The following GREB1 variants were observed in gnomAD, a reference collection of about 807,000 sequenced individuals.
The protein encoded by GREB1 is protein GREB1.
A neutral mutation model predicts 200.7 loss-of-function variants in GREB1; 106 were observed. The observed-to-expected ratio is 0.53, with a 90% CI of 0.45 to 0.62. The LOEUF (loss-of-function observed/expected upper bound fraction) is 0.62. Ranked by LOEUF, GREB1 falls within the 20% of genes least tolerant of loss-of-function variation. The pLI is 0.00. For missense variants in GREB1, 2,243 were observed against 2,556.8 expected (o/e 0.88, Z 2.65); for synonymous variants, 1,132 against 1,092.4 (o/e 1.04, Z -0.72).
Position 11,547,970 on chromosome 2 carries a change from C to T in GREB1, c.-161-8484C>T, listed in dbSNP as rs184215591. On this transcript the variant is annotated intron_variant, in intron 1 of 32. Coordinates refer to ENST00000381486, the MANE Select transcript of GREB1 (RefSeq NM_014668.4). Reference sequence around the variant, plus strand: ...GCCGAGGCGGTAGAATTTCTTGAGCCGAGGAGTTTGAGACCAGCCTGGGCA... The same window carrying T: ...GCCGAGGCGGTAGAATTTCTTGAGCTGAGGAGTTTGAGACCAGCCTGGGCA... 2.4e-4 allele frequency among the ~76,000 whole-genome samples: 37 copies of T among 152,114 alleles called. No individual in the cohort carries two copies. In the East Asian group the frequency reaches 2.9e-3, roughly 12 times the overall value.
chr2:11,615,359 G>T lies in GREB1; in HGVS notation c.3322+69G>T, dbSNP rs56805168. 4.7e-3 allele frequency: 6,281 copies of T among 1,342,408 alleles called. 229 individuals carry two copies. The African/African-American group carries it at 0.077, about 16-fold the overall frequency. 83.2% of individuals were successfully genotyped at this position (1,342,408 alleles called of 1,614,324 possible). On this transcript the variant is annotated intron_variant, in intron 20 of 32. Transcript: ENST00000381486. ...TCTTTCTTGGCTTCTGAGCTTTGAG[G>T]CTGCCTGTGCTTATGGAGACAGCTG...
At chr2:11,612,679 G>C (rs1292666558) in intron 19 of GREB1, 69 bp downstream of exon 19, 1 of 968,902 alleles carries the variant, frequency 1.0e-6, no homozygotes, top group Non-Finnish European at 1.7e-6. Context: ...CAAGGAGCAT[G>C]TCAGGGGGGC....
chr2:11,502,956 T>A (rs1435486654), intron 1 of GREB1, among the ~76,000 whole-genome samples: 7 of 152,144 alleles, frequency 4.6e-5, no homozygotes, highest in Non-Finnish European at 1.0e-4. Context: ...ACGAAGTCCA[T>A]CCGACCTCCA....
chr2:11,620,380 C>T (rs1683902230), intron 22 of GREB1, among the ~76,000 whole-genome samples: 1 of 152,118 alleles, frequency 6.6e-6, no homozygotes, highest in South Asian at 2.1e-4. Flanking sequence ...AGGAGGTATG[C>T]TAGCCTGAAG....
rs941474748 is a variant in GREB1, at chr2:11,601,062, A to C, written c.2529+67A>C. On this transcript the variant is annotated intron_variant, in intron 16 of 32. Coordinates refer to ENST00000381486, the MANE Select transcript of GREB1 (RefSeq NM_014668.4). ...ACTTGGGTTTGCAGAAATTACATTTAGTAACAGCCTTGACCAGTGTGGTTG... is the reference window on the plus strand; with the variant it reads ...ACTTGGGTTTGCAGAAATTACATTTCGTAACAGCCTTGACCAGTGTGGTTG... 9.5e-6 allele frequency: 13 copies of C among 1,361,542 alleles called. No individual in the cohort carries two copies. The East Asian group carries it at 3.0e-4, about 32-fold the overall frequency. 84.3% of individuals were successfully genotyped at this position (1,361,542 alleles called of 1,614,324 possible).
At position 11,580,896 on chromosome 2, in the gene GREB1, G is replaced by T. The variant is rs772106391; in HGVS notation, c.901+64G>T. 1.2e-6 allele frequency: 2 copies of T among 1,601,416 alleles called. No homozygotes were observed. Among genetic ancestry groups the T allele is most frequent in the Non-Finnish European group, 8.6e-7 (1 of 1,169,564 alleles). On this transcript the variant is annotated intron_variant, in intron 7 of 32. Coordinates refer to ENST00000381486, the MANE Select transcript of GREB1 (RefSeq NM_014668.4). The surrounding 1 kb of genome is among the most constrained non-coding windows in gnomAD (Gnocchi z 4.5). The stretch of plus-strand genomic sequence containing the variant: ...CTTCTTTGGGCCAAGGCCAGAGGGG[G>T]CATGGGAGCTGCTGGGCTGGGGCCG...
chr2:11,497,567 T>C (rs1672920668), intron 1 of GREB1, among the ~76,000 whole-genome samples: 1 of 151,662 alleles, frequency 6.6e-6, no homozygotes, highest in South Asian at 2.1e-4. Flanking sequence ...CCAAAGTGAC[T>C]GTACCATTTC....
chr2:11,588,677 G>T, intron 9 of GREB1, 69 bp from the exon 10 acceptor site: 1 of 1,406,450 alleles, frequency 7.1e-7, no homozygotes, highest in Non-Finnish European at 1.0e-6. Flanking sequence ...CACCCCCAGA[G>T]AACCCACATG....
intron 1 of GREB1, among the ~76,000 whole-genome samples, chr2:11,535,915 CTT>C (rs35311316): frequency 6.7e-6 from 1 of 150,060 alleles, no homozygotes; most frequent in Non-Finnish European, 1.5e-5. Flanking sequence ...GCCCTGAACT[CTT>C]TTTTTTTTCC....
At chr2:11,535,058 C>G (rs188875490) in intron 1 of GREB1, among the ~76,000 whole-genome samples, 19 of 152,194 alleles carry the variant, frequency 1.2e-4, no homozygotes, top group Admixed American at 1.0e-3. Context: ...GTATTTTTTG[C>G]CTGGGGTGAA....
rs1407901764 is a variant in GREB1, at chr2:11,629,914, G to A, written c.4450-34G>A. 1 of 1,607,000 alleles carries A rather than the reference G, an allele frequency of 6.2e-7. No individual in the cohort carries two copies. Among genetic ancestry groups the A allele is most frequent in the Non-Finnish European group, 8.5e-7 (1 of 1,175,040 alleles). ...TCTTCTGGGAAGCAGGCCGGACTCT[G>A]ACGGCAAGCTCTGTCCTTTCCCCCA... On this transcript the variant is annotated intron_variant, in intron 25 of 32. Coordinates refer to ENST00000381486, the MANE Select transcript of GREB1 (RefSeq NM_014668.4). This position sits in a 1 kb window ranked among gnomAD's most constrained non-coding sequence, Gnocchi z 5.2.
intron 10 of GREB1, 152 bp from the exon 11 acceptor site, chr2:11,592,624 T>A: frequency 1.9e-6 from 1 of 527,828 alleles, no homozygotes; most frequent in Non-Finnish European, 3.3e-6. Context: ...GGTGAGATTG[T>A]GGCGGATTTT....
intron 1 of GREB1, among the ~76,000 whole-genome samples, chr2:11,499,588 T>C (rs1161146400): frequency 6.6e-6 from 1 of 152,256 alleles, no homozygotes; most frequent in Non-Finnish European, 1.5e-5. Context: ...GGAAAATTTG[T>C]TGATTTATTT....
At chr2:11,513,523 A>G (rs779363071) in intron 1 of GREB1, among the ~76,000 whole-genome samples, 50 of 152,206 alleles carry the variant, frequency 3.3e-4, no homozygotes, top group Non-Finnish European at 7.3e-4. Context: ...TACTTCTTTC[A>G]GGAAGCCTTC....
intron 1 of GREB1, among the ~76,000 whole-genome samples, chr2:11,507,270 G>A (rs776427204): frequency 1.3e-5 from 2 of 152,088 alleles, no homozygotes; most frequent in Admixed American, 6.6e-5. Flanking sequence ...TGAGCCAGGC[G>A]TGGTGGCAGG....
At chr2:11,631,806 T>C (rs934333889) in intron 26 of GREB1, 103 bp from the exon 27 acceptor site, 9 of 864,890 alleles carry the variant, frequency 1.0e-5, no homozygotes, top group Non-Finnish European at 1.7e-5. Flanking sequence ...AGTGTAGGCA[T>C]GGTCATCATT....
intron 21 of GREB1, among the ~76,000 whole-genome samples, chr2:11,617,731 C>T (rs958104606): frequency 4.6e-5 from 7 of 152,018 alleles, no homozygotes; most frequent in East Asian, 1.9e-4. Flanking sequence ...TTGTTGGGGC[C>T]GGGGGTGTGC....
At chr2:11,631,540 T>A (rs567545400) in intron 26 of GREB1, among the ~76,000 whole-genome samples, 1 of 152,340 alleles carries the variant, frequency 6.6e-6, no homozygotes, top group Non-Finnish European at 1.5e-5. Flanking sequence ...TTCTGGGCTC[T>A]GTTGTGCTCA....
intron 7 of GREB1, among the ~76,000 whole-genome samples, chr2:11,582,592 G>A (rs542587289): frequency 2.6e-5 from 4 of 152,342 alleles, no homozygotes; most frequent in Non-Finnish European, 5.9e-5. Context: ...CCCAGGCTCA[G>A]TCCCGCAGCC....
Sources: allele counts gnomAD v4.1 joint callset (sites outside exome capture counted in the v4.1 genomes callset), GRCh38; gene constraint gnomAD v4.1.1; non-coding constraint Gnocchi (gnomAD v3.1); transcripts MANE v1.5; gene names NCBI Gene and HGNC (gene_info 2026-07-23, HGNC 2026-07-21).